Variants in EFCAB8 observed in about 807,000 individuals in gnomAD.
EFCAB8 encodes the protein EF-hand calcium-binding domain-containing protein 8.
In EFCAB8, 100 loss-of-function variants were observed where a neutral mutation model predicts 116.3. The observed-to-expected ratio is 0.86, with a 90% CI of 0.73 to 1.02. The LOEUF (loss-of-function observed/expected upper bound fraction) is 1.02. Ranked by LOEUF, EFCAB8 falls within the 50% of genes least tolerant of loss-of-function variation. The pLI, the probability that EFCAB8 is intolerant of heterozygous loss-of-function variation, is 0.00. For synonymous variants in EFCAB8, 558 were observed against 567.9 expected, an observed-to-expected ratio of 0.98 and a Z score of 0.25; for missense variants, 1,320 against 1,416.9, an observed-to-expected ratio of 0.93 and a Z score of 1.10.
intron 11 of EFCAB8, among the ~76,000 whole-genome samples, chr20:32,900,094 AT>A (rs1986358320): frequency 6.6e-6 from 1 of 151,960 alleles, no homozygotes. Flanking sequence ...ACAGCAGGAG[AT>A]TTAAGGCCTG....
Position 32,889,422 on chromosome 20 carries a change from C to T in EFCAB8, c.673+16C>T, listed in dbSNP as rs1985803331. 1.3e-6 allele frequency: 2 copies of T among 1,548,480 alleles called. No homozygotes were observed. The highest frequency in any genetic ancestry group is 1.4e-5 in the African/African-American group (1 of 72,988). ...CAAAAGATAGGTGAGTCCCTGGGGG[C>T]TTCCCAGCTCTGCTCTCAGCCACTG... On this transcript the variant is annotated intron_variant, in intron 7 of 26. Coordinates refer to ENST00000400522, the MANE Select transcript of EFCAB8 (RefSeq NM_001143967.2).
Position 32,878,777 on chromosome 20 carries a change from A to C in EFCAB8, c.401A>C (p.His134Pro). Residue 134 changes from histidine to proline, a missense_variant, in exon 5 of 27, where the codon CAC (histidine) becomes CCC (proline). By Grantham distance (77) the His-to-Pro change is moderately conservative. Transcript: ENST00000400522. Reference sequence around the variant, plus strand: ...ATGCGAAAGAGCCAGTACCGCCTGCACTTCTACCTTCCCATGACGGTCGTC... The same window carrying C: ...ATGCGAAAGAGCCAGTACCGCCTGCCCTTCTACCTTCCCATGACGGTCGTC... ...EDMRKSQYRL[H>P]FYLPMTVVPL... The C allele has an allele frequency of 6.4e-7, 1 of 1,552,166 alleles. No homozygotes were observed. The highest frequency in any genetic ancestry group is 8.7e-7 in the Non-Finnish European group (1 of 1,147,096).
intron 20 of EFCAB8, among the ~76,000 whole-genome samples, chr20:32,926,205 A>G (rs1166362719): frequency 2.0e-5 from 3 of 152,236 alleles, no homozygotes; most frequent in Admixed American, 1.3e-4. Context: ...ACATGGGAGA[A>G]CTTTGTGGTG....
intron 24 of EFCAB8, 26 bp from the exon 25 acceptor site, chr20:32,959,752 C>G: frequency 6.9e-7 from 1 of 1,443,314 alleles, no homozygotes; most frequent in Non-Finnish European, 9.2e-7. Context: ...GGGGGGACAT[C>G]TTGTGAAGGA....
intron 22 of EFCAB8, among the ~76,000 whole-genome samples, chr20:32,940,025 CTTCCTTCCTT>C (rs1988348412): frequency 5.5e-5 from 3 of 54,818 alleles, no homozygotes; most frequent in African/African-American, 2.7e-4. Flanking sequence ...CCCTCCCTCC[CTTCCTTCCTT>C]CCTTCCTTCC....
chr20:32,906,465 C>G (rs1458208779), intron 11 of EFCAB8, 97 bp from the exon 12 acceptor site: 7 of 699,672 alleles, frequency 1.0e-5, no homozygotes, highest in Non-Finnish European at 1.9e-5. Context: ...TCCTGGGAGG[C>G]TCTGCCTCTA....
At chr20:32,865,969 T>G (rs1209455770) in intron 2 of EFCAB8, among the ~76,000 whole-genome samples, 3 of 151,766 alleles carry the variant, frequency 2.0e-5, no homozygotes, top group Admixed American at 2.0e-4. Context: ...ATGTAGGAGA[T>G]GGATCCCAGG....
At chr20:32,921,555 AAAGT>A (rs996954784) in intron 20 of EFCAB8, among the ~76,000 whole-genome samples, 15 of 152,080 alleles carry the variant, frequency 9.9e-5, no homozygotes, top group African/African-American at 3.1e-4. Context: ...ATAACTTTTA[AAAGT>A]AATAATACTA....
At chr20:32,869,716 T>G (rs939246959) in intron 3 of EFCAB8, among the ~76,000 whole-genome samples, 16 of 151,962 alleles carry the variant, frequency 1.1e-4, no homozygotes, top group African/African-American at 3.9e-4. Flanking sequence ...TGCTTAAGTC[T>G]CTCTACTGCA....
intron 17 of EFCAB8, among the ~76,000 whole-genome samples, chr20:32,914,592 T>C (rs979638453): frequency 6.6e-6 from 1 of 152,142 alleles, no homozygotes; most frequent in African/African-American, 2.4e-5. Flanking sequence ...CTTACAATCA[T>C]AGTTAAAGGT....
intron 10 of EFCAB8, among the ~76,000 whole-genome samples, chr20:32,897,645 C>T (rs1170485385): frequency 2.0e-5 from 3 of 152,032 alleles, no homozygotes; most frequent in Non-Finnish European, 4.4e-5. Context: ...CTATGTTGCC[C>T]AGGCTGGTCT....
intron 5 of EFCAB8, among the ~76,000 whole-genome samples, chr20:32,884,376 C>G (rs143151947): frequency 6.6e-6 from 1 of 152,300 alleles, no homozygotes; most frequent in South Asian, 2.1e-4. Context: ...GGGCTGTCTT[C>G]CCTTTTCCTA....
intron 23 of EFCAB8, among the ~76,000 whole-genome samples, chr20:32,955,306 A>G (rs1189730869): frequency 6.6e-6 from 1 of 152,210 alleles, no homozygotes. Context: ...TTGACAGACC[A>G]AGGTGGGAGG....
chr20:32,897,728 G>A (rs994980093), intron 10 of EFCAB8, among the ~76,000 whole-genome samples: 1 of 152,134 alleles, frequency 6.6e-6, no homozygotes, highest in African/African-American at 2.4e-5. Flanking sequence ...TCTTCTGTGG[G>A]AAGCTCATCT....
At chr20:32,869,048 AC>A (rs1222801056) in intron 3 of EFCAB8, among the ~76,000 whole-genome samples, 8 of 151,866 alleles carry the variant, frequency 5.3e-5, no homozygotes, top group Admixed American at 1.3e-4. Context: ...GGAAGAACCC[AC>A]TTCCAAGCTC....
At chr20:32,900,468 C>T (rs1445742173) in intron 11 of EFCAB8, among the ~76,000 whole-genome samples, 2 of 152,034 alleles carry the variant, frequency 1.3e-5, no homozygotes, top group Non-Finnish European at 2.9e-5. Flanking sequence ...TCAAGTGACT[C>T]TCCTGCCTCA....
Position 32,875,112 on chromosome 20 carries a change from A to G in EFCAB8, c.209-814A>G, listed in dbSNP as rs568590411. On this transcript the variant is annotated intron_variant, in intron 3 of 26. Coordinates refer to ENST00000400522, the MANE Select transcript of EFCAB8 (RefSeq NM_001143967.2). ...TCCTTCCTCTTTGTTAATTGTATGG[A>G]AATGGGAGTTGGTCTTTTTTAGTGC... 3.3e-5 allele frequency among the ~76,000 whole-genome samples: 5 copies of G among 152,216 alleles called. No individual in the cohort carries two copies. In the South Asian group the frequency reaches 1.0e-3, roughly 32 times the overall value.
chr20:32,879,372 C>T (rs1027568697), intron 5 of EFCAB8, among the ~76,000 whole-genome samples: 7 of 152,190 alleles, frequency 4.6e-5, no homozygotes, highest in Non-Finnish European at 8.8e-5. Flanking sequence ...TCTGCCTGAC[C>T]GCTCTGCTCA....
intron 22 of EFCAB8, among the ~76,000 whole-genome samples, chr20:32,933,986 A>G (rs1020041237): frequency 6.6e-6 from 1 of 150,828 alleles, no homozygotes; most frequent in Admixed American, 6.6e-5. Context: ...CAAAAAATCA[A>G]TCAATCAAAT....
Sources: gnomAD v4.1 joint callset for allele counts (sites outside exome capture counted in the v4.1 genomes callset) on GRCh38, gnomAD v4.1.1 for gene constraint, MANE v1.5 for transcripts, NCBI Gene and HGNC (gene_info 2026-07-23, HGNC 2026-07-21) for gene names.